Variants in SPOCK3 observed in about 807,000 individuals in gnomAD.
SPOCK3 encodes the protein SPARC (osteonectin), cwcv and kazal like domains proteoglycan 3, also known as testican-3.
Under a neutral mutation model 56.6 loss-of-function variants are expected in SPOCK3, and 30 were observed. That is an observed-to-expected ratio of 0.53 (90% CI 0.40 to 0.72). SPOCK3 has a LOEUF of 0.72. SPOCK3 is among the 30% of genes least tolerant of loss of function. The pLI is 0.00. For synonymous variants in SPOCK3, 196 were observed against 183.3 expected (o/e 1.07, Z -0.56); for missense variants, 527 against 530.0 (o/e 0.99, Z 0.06).
At chr4:167,128,341 C>G (rs1243167999) in intron 2 of SPOCK3, among the ~76,000 whole-genome samples, 1 of 152,152 alleles carries the variant, frequency 6.6e-6, no homozygotes, top group Non-Finnish European at 1.5e-5. Flanking sequence ...CTTACTGGAC[C>G]TCTCTGTAAC....
intron 6 of SPOCK3, among the ~76,000 whole-genome samples, chr4:166,812,449 A>G (rs1477049345): frequency 2.6e-5 from 4 of 151,974 alleles, no homozygotes; most frequent in East Asian, 1.9e-4. Context: ...GTTCATTCAC[A>G]TAAAAATAAA....
intron 2 of SPOCK3, among the ~76,000 whole-genome samples, chr4:167,233,746 G>A (rs1297908024): frequency 2.0e-5 from 3 of 152,092 alleles, no homozygotes; most frequent in African/African-American, 7.2e-5. Flanking sequence ...CAGGGTGGGG[G>A]AGGAAGAGTG....
chr4:166,753,677 A>C (rs527867926), intron 8 of SPOCK3, among the ~76,000 whole-genome samples: 1 of 152,196 alleles, frequency 6.6e-6, no homozygotes, highest in South Asian at 2.1e-4. Flanking sequence ...CTTAGTTCTC[A>C]AGAATTTAAA....
At chr4:167,222,046 G>T (rs1053811055) in intron 2 of SPOCK3, among the ~76,000 whole-genome samples, 2 of 152,096 alleles carry the variant, frequency 1.3e-5, no homozygotes, top group African/African-American at 4.8e-5. Context: ...CAAAGAGGTA[G>T]AAGTAACCCA....
At chr4:167,205,325 TAATATATATTATATA>T (rs1734022449) in intron 2 of SPOCK3, among the ~76,000 whole-genome samples, 1 of 39,262 alleles carries the variant, frequency 2.5e-5, no homozygotes, top group Non-Finnish European at 4.7e-5. Flanking sequence ...TTTATATATA[TAATATATATTATATA>T]TTATATATAT....
intron 6 of SPOCK3, among the ~76,000 whole-genome samples, chr4:166,850,882 G>C (rs562841075): frequency 3.9e-5 from 6 of 152,368 alleles, no homozygotes; most frequent in Non-Finnish European, 7.3e-5. Context: ...GTGGCAGCGA[G>C]GCTGGGGGAG....
chr4:166,738,120 A>G lies in SPOCK3; in HGVS notation c.995-516T>C, dbSNP rs1734407718. On this transcript the variant is annotated intron_variant, in intron 9 of 10. Transcript: ENST00000357545. The stretch of plus-strand genomic sequence containing the variant: ...TGTCTCTTTACACATTATGTCGACT[A>G]GAGTCTCTCTCCTCTCTCTTCCACT... 2.0e-5 allele frequency among the ~76,000 whole-genome samples: 3 copies of G among 152,182 alleles called. 1 individual carries two copies. In the South Asian group the frequency reaches 6.2e-4, roughly 31 times the overall value.
intron 6 of SPOCK3, among the ~76,000 whole-genome samples, chr4:166,839,222 G>A (rs1409838129): frequency 2.0e-5 from 3 of 152,142 alleles, no homozygotes; most frequent in African/African-American, 7.2e-5. Flanking sequence ...GGTGTCAGAA[G>A]CCTGCTTCAC....
intron 4 of SPOCK3, among the ~76,000 whole-genome samples, chr4:166,939,832 A>C (rs77083845): frequency 1.8e-3 from 269 of 152,328 alleles, no homozygotes; most frequent in African/African-American, 6.4e-3. Context: ...TATTTCCAAC[A>C]AAATTGGTAA....
chr4:167,003,535 C>T (rs943243942), intron 3 of SPOCK3, among the ~76,000 whole-genome samples: 1 of 152,182 alleles, frequency 6.6e-6, no homozygotes, highest in African/African-American at 2.4e-5. Flanking sequence ...TAGAATCAAT[C>T]CTCTGCCTTA....
At chr4:167,183,552 TAA>T (rs752374775) in intron 2 of SPOCK3, among the ~76,000 whole-genome samples, 1 of 151,984 alleles carries the variant, frequency 6.6e-6, no homozygotes, top group African/African-American at 2.4e-5. Flanking sequence ...GCTTTCATGA[TAA>T]AAAAAGAGTC....
intron 6 of SPOCK3, among the ~76,000 whole-genome samples, chr4:166,830,391 T>C (rs17702008): frequency 0.2 from 31,126 of 152,076 alleles, 4,305 homozygotes; most frequent in East Asian, 0.67. Flanking sequence ...ATTTTAACAA[T>C]TCTGAATCTC....
intron 6 of SPOCK3, among the ~76,000 whole-genome samples, chr4:166,798,201 G>C (rs1014233411): frequency 2.6e-5 from 4 of 152,150 alleles, no homozygotes; most frequent in Non-Finnish European, 4.4e-5. Flanking sequence ...CAGTACTTTA[G>C]AGTGTAATCC....
intron 2 of SPOCK3, among the ~76,000 whole-genome samples, chr4:167,114,944 T>G (rs1293621890): frequency 6.6e-6 from 1 of 151,786 alleles, no homozygotes; most frequent in Non-Finnish European, 1.5e-5. Flanking sequence ...TAGAATCAGA[T>G]GCACACATGA....
At chr4:167,227,933 C>T (rs1025085979) in intron 2 of SPOCK3, among the ~76,000 whole-genome samples, 2 of 152,078 alleles carry the variant, frequency 1.3e-5, no homozygotes, top group Admixed American at 6.6e-5. Context: ...TATATAATCC[C>T]AAGCAAGCTG....
At chr4:167,003,136 C>T (rs1749118254) in intron 3 of SPOCK3, among the ~76,000 whole-genome samples, 1 of 152,016 alleles carries the variant, frequency 6.6e-6, no homozygotes, top group East Asian at 1.9e-4. Flanking sequence ...AGTTCTGTCA[C>T]ACAGTTTTGT....
Position 167,054,949 on chromosome 4 carries a change from C to T in SPOCK3, c.235+7543G>A, listed in dbSNP as rs140447690. 6.6e-5 allele frequency among the ~76,000 whole-genome samples: 10 copies of T among 152,164 alleles called. No individual in the cohort carries two copies. The East Asian group carries it at 1.7e-3, about 26-fold the overall frequency. On this transcript the variant is annotated intron_variant, in intron 3 of 10. Coordinates refer to ENST00000357545, the MANE Select transcript of SPOCK3 (RefSeq NM_001040159.2). ...AAAGGAGTTTTGTGCTGAGAATTTA[C>T]ACCATTCATATTATAAAATATTGAT...
At chr4:166,934,862 G>A (rs1215299832) in intron 4 of SPOCK3, among the ~76,000 whole-genome samples, 1 of 151,808 alleles carries the variant, frequency 6.6e-6, no homozygotes, top group Non-Finnish European at 1.5e-5. Context: ...AGCAAAAGTG[G>A]TTGTGTTGCA....
At chr4:166,749,880 A>G (rs1736155299) in intron 8 of SPOCK3, among the ~76,000 whole-genome samples, 1 of 152,264 alleles carries the variant, frequency 6.6e-6, no homozygotes, top group Admixed American at 6.5e-5. Flanking sequence ...AAGAGGAAAG[A>G]GTCCAGCTGA....
Sources: allele counts gnomAD v4.1 joint callset (sites outside exome capture counted in the v4.1 genomes callset), GRCh38; gene constraint gnomAD v4.1.1; transcripts MANE v1.5; gene names NCBI Gene and HGNC (gene_info 2026-07-23, HGNC 2026-07-21).